MIB1: variants seen among roughly 807,000 people sequenced by gnomAD.
The protein encoded by MIB1 is MIB E3 ubiquitin protein ligase 1.
Under a neutral mutation model 124.5 loss-of-function variants are expected in MIB1, and 278 were observed. That is an observed-to-expected ratio of 2.23 (90% confidence interval 2.02 to 2.47). The LOEUF is 2.47. MIB1 is among the 30% of genes most tolerant of loss of function. The pLI is 0.00. For synonymous variants in MIB1, 446 were observed against 429.4 expected, an observed-to-expected ratio of 1.04 and a Z score of -0.48; for missense variants, 957 against 1,254.4, an observed-to-expected ratio of 0.76 and a Z score of 3.58.
chr18:21,828,947 G>T (rs760022557), intron 12 of MIB1: 2 of 458,578 alleles, frequency 4.4e-6, no homozygotes, highest in South Asian at 3.2e-5. Flanking sequence ...GGTCATTCAC[G>T]TAGAAAGAAG....
intron 1 of MIB1, among the ~76,000 whole-genome samples, chr18:21,761,708 G>A (rs2041099270): frequency 6.6e-6 from 1 of 152,210 alleles, no homozygotes; most frequent in Admixed American, 6.5e-5. Flanking sequence ...CAAGGCAGAT[G>A]TCGCTTGTCT....
At chr18:21,751,667 A>G (rs1385819361) in intron 1 of MIB1, among the ~76,000 whole-genome samples, 2 of 151,828 alleles carry the variant, frequency 1.3e-5, no homozygotes, top group East Asian at 1.9e-4. Context: ...TTATTGGGGG[A>G]AAAATCCTTT....
intron 12 of MIB1, among the ~76,000 whole-genome samples, chr18:21,824,289 A>G (rs1057151603): frequency 1.3e-5 from 2 of 152,174 alleles, no homozygotes; most frequent in South Asian, 2.1e-4. Flanking sequence ...GACACATATT[A>G]CAAATCTTAC....
chr18:21,818,575 G>A (rs951223175), intron 11 of MIB1, among the ~76,000 whole-genome samples: 11 of 152,202 alleles, frequency 7.2e-5, no homozygotes, highest in African/African-American at 2.6e-4. Flanking sequence ...AGGCTCATGT[G>A]GGAGGATCAC....
At chr18:21,853,443 A>G (rs368938591) in intron 18 of MIB1, among the ~76,000 whole-genome samples, 1 of 152,244 alleles carries the variant, frequency 6.6e-6, no homozygotes, top group Non-Finnish European at 1.5e-5. Context: ...GCCACCTTGG[A>G]TTTTGATTTC....
chr18:21,833,507 A>G (rs1343481516), intron 12 of MIB1, among the ~76,000 whole-genome samples: 9 of 152,156 alleles, frequency 5.9e-5, no homozygotes, highest in Non-Finnish European at 1.0e-4. Flanking sequence ...TTATTAATTT[A>G]CCAAGCATTT....
chr18:21,811,881 A>T (rs2041777851), intron 10 of MIB1, among the ~76,000 whole-genome samples: 1 of 152,248 alleles, frequency 6.6e-6, no homozygotes, highest in East Asian at 1.9e-4. Context: ...GGTAAACTTT[A>T]TGTATATTTT....
At position 21,741,905 on chromosome 18, in the gene MIB1, G is replaced by A; in HGVS notation, c.229+93G>A. 8.6e-7 allele frequency: 1 copy of A among 1,156,946 alleles called. No homozygotes were observed. Among genetic ancestry groups the A allele is most frequent in the Non-Finnish European group, 1.2e-6 (1 of 841,996 alleles). 71.7% of individuals were successfully genotyped at this position (1,156,946 alleles called of 1,614,324 possible). A position where few individuals can be genotyped will look rare whatever the true frequency, so the allele number is the denominator to read the frequency against. Reference sequence around the variant, plus strand: ...GTGTCGCGGGGAGAGGTCTGCAGTGGGACACCTGGTGGGCAGCGCCCGGCT... The same window carrying A: ...GTGTCGCGGGGAGAGGTCTGCAGTGAGACACCTGGTGGGCAGCGCCCGGCT... On this transcript the variant is annotated intron_variant, in intron 1 of 20. Transcript: ENST00000261537. The surrounding 1 kb of genome is among the most constrained non-coding windows in gnomAD (Gnocchi z 5.4).
intron 12 of MIB1, chr18:21,825,813 G>A (rs776356239): frequency 2.0e-6 from 1 of 490,872 alleles, no homozygotes; most frequent in South Asian, 1.5e-5. Context: ...ATCCAAAACA[G>A]TTAAATGCTT....
In MIB1 at chr18:21,867,961, AAAAG is replaced by A. The variant is rs945311805; in HGVS notation, c.*3297_*3300del. ...AAGTCAGCATTTGAGTGTAGAGAAA[AAAAG>A]AGGATCATACAGATGTCATCAAATT... On this transcript the variant is annotated 3_prime_UTR_variant, in exon 21 of 21. Transcript: ENST00000261537. The A allele has an allele frequency of 2.6e-5, 4 of 152,036 alleles. No individual in the cohort carries two copies. The highest frequency in any genetic ancestry group is 9.7e-5 in the African/African-American group (4 of 41,436). The allele number at this position is 152,036 out of a possible 1,614,324, so 9.4% of individuals were successfully genotyped here. A position where few individuals can be genotyped will look rare whatever the true frequency, so the allele number is the denominator to read the frequency against.
intron 12 of MIB1, among the ~76,000 whole-genome samples, chr18:21,832,626 A>G (rs779548490): frequency 1.3e-5 from 2 of 152,152 alleles, no homozygotes; most frequent in Non-Finnish European, 2.9e-5. Flanking sequence ...AACTATTACG[A>G]GTTTTCTGAG....
intron 10 of MIB1, among the ~76,000 whole-genome samples, chr18:21,805,556 G>T (rs939268573): frequency 6.6e-6 from 1 of 151,846 alleles, no homozygotes; most frequent in Non-Finnish European, 1.5e-5. Flanking sequence ...TATTATTTTA[G>T]TTTTATTTGG....
intron 7 of MIB1, among the ~76,000 whole-genome samples, chr18:21,795,105 G>T (rs1476279300): frequency 6.6e-6 from 1 of 151,142 alleles, no homozygotes; most frequent in Non-Finnish European, 1.5e-5. Flanking sequence ...AAAAAATGGG[G>T]TGGAAATTGA....
chr18:21,710,712 T>C (rs779284562), intron 1 of MIB1, among the ~76,000 whole-genome samples: 28 of 151,966 alleles, frequency 1.8e-4, no homozygotes, highest in Non-Finnish European at 3.7e-4. Flanking sequence ...TTCACACCAC[T>C]ACACTCCAGC....
intron 10 of MIB1, among the ~76,000 whole-genome samples, chr18:21,807,506 T>A (rs2041722015): frequency 6.6e-6 from 1 of 152,214 alleles, no homozygotes; most frequent in Admixed American, 6.5e-5. Context: ...AGAATTAACA[T>A]TGCCTATTAA....
intron 10 of MIB1, among the ~76,000 whole-genome samples, chr18:21,809,033 A>C (rs1172841972): frequency 1.3e-5 from 2 of 152,128 alleles, no homozygotes; most frequent in African/African-American, 4.8e-5. Flanking sequence ...GGCTAGATGG[A>C]CTAAGAAAAA....
upstream of MIB1, among the ~76,000 whole-genome samples, chr18:21,739,941 C>A (rs11874735): frequency 0.074 from 11,151 of 150,468 alleles, 919 homozygotes; most frequent in African/African-American, 0.2. Flanking sequence ...AAAACAACAA[C>A]AAAAAAAACC....
chr18:21,832,374 G>A (rs2041992082), intron 12 of MIB1, among the ~76,000 whole-genome samples: 1 of 152,058 alleles, frequency 6.6e-6, no homozygotes, highest in African/African-American at 2.4e-5. Context: ...TCATTAACCT[G>A]TCTATAACTC....
At chr18:21,711,352 G>A (rs2040664812) in intron 1 of MIB1, among the ~76,000 whole-genome samples, 2 of 151,884 alleles carry the variant, frequency 1.3e-5, no homozygotes, top group Non-Finnish European at 2.9e-5. Context: ...TGCAATCTTG[G>A]CTCACTGCAA....
Sources: gnomAD v4.1 joint callset for allele counts (sites outside exome capture counted in the v4.1 genomes callset) on GRCh38, gnomAD v4.1.1 for gene constraint, Gnocchi (gnomAD v3.1) non-coding constraint, MANE v1.5 for transcripts, NCBI Gene and HGNC (gene_info 2026-07-23, HGNC 2026-07-21) for gene names.